RASAL2: variants seen among roughly 807,000 people sequenced by gnomAD.
RASAL2 encodes RAS protein activator like 2, also known as ras GTPase-activating protein nGAP.
RASAL2 carries 58 observed loss-of-function variants against 128.9 expected under a neutral mutation model. The observed-to-expected ratio is 0.45, with a 90% CI of 0.36 to 0.56. The LOEUF (loss-of-function observed/expected upper bound fraction) is 0.56, where lower values mean the gene tolerates loss of function less well. Ranked by LOEUF, RASAL2 falls within the 20% of genes least tolerant of loss-of-function variation. The pLI, the probability that RASAL2 is intolerant of heterozygous loss-of-function variation, is 0.00. For synonymous variants in RASAL2, 561 were observed against 580.8 expected (o/e 0.97, Z 0.49); for missense variants, 1,360 against 1,601.6 (o/e 0.85, Z 2.57).
chr1:178,388,080 A>T (rs558448189), intron 3 of RASAL2, among the ~76,000 whole-genome samples: 23 of 152,316 alleles, frequency 1.5e-4, no homozygotes, highest in African/African-American at 4.1e-4. Context: ...ATTATTCAGA[A>T]ATTAAAACAT....
At chr1:178,227,004 A>G (rs626090) in intron 1 of RASAL2, among the ~76,000 whole-genome samples, 145,280 of 152,218 alleles carry the variant, frequency 0.95, 69,685 homozygotes, top group East Asian at 1. Context: ...AAGCTACATA[A>G]GAATACTCAA....
chr1:178,405,620 C>T (rs1284937226), intron 4 of RASAL2, among the ~76,000 whole-genome samples: 1 of 152,194 alleles, frequency 6.6e-6, no homozygotes, highest in Non-Finnish European at 1.5e-5. Flanking sequence ...CTTGAAAAGG[C>T]ATAAGACAGA....
Position 178,187,967 on chromosome 1 carries a change from T to C in RASAL2, c.202+93273T>C, listed in dbSNP as rs893866803. 3.3e-5 allele frequency among the ~76,000 whole-genome samples: 5 copies of C among 152,202 alleles called. No homozygotes were observed. The East Asian group carries it at 7.7e-4, about 24-fold the overall frequency. On this transcript the variant is annotated intron_variant, in intron 1 of 17. Transcript: ENST00000367649. ...AATTTACTCTTACTATTAATACCAATGTGTAACCCTTTGGAAGATAGCTAT... is the reference window on the plus strand; with the variant it reads ...AATTTACTCTTACTATTAATACCAACGTGTAACCCTTTGGAAGATAGCTAT...
intron 3 of RASAL2, among the ~76,000 whole-genome samples, chr1:178,351,457 A>G (rs1670494484): frequency 6.6e-6 from 1 of 152,188 alleles, no homozygotes; most frequent in African/African-American, 2.4e-5. Context: ...ATACAATGAA[A>G]GTATAGGCAT....
chr1:178,144,281 C>T (rs1660641542), intron 1 of RASAL2, among the ~76,000 whole-genome samples: 1 of 152,114 alleles, frequency 6.6e-6, no homozygotes, highest in Non-Finnish European at 1.5e-5. Flanking sequence ...TTCTTCTACC[C>T]CTTTGGCTAA....
chr1:178,463,285 GA>G (rs573476282), intron 14 of RASAL2, among the ~76,000 whole-genome samples: 2 of 151,992 alleles, frequency 1.3e-5, no homozygotes, highest in African/African-American at 4.8e-5. Context: ...GGACAGAGGG[GA>G]AAAAAATTGT....
chr1:178,401,821 G>A (rs181275638), intron 4 of RASAL2, among the ~76,000 whole-genome samples: 206 of 152,184 alleles, frequency 1.4e-3, no homozygotes, highest in African/African-American at 4.8e-3. Context: ...AAATAAGGTG[G>A]TTACAGTTTA....
intron 1 of RASAL2, among the ~76,000 whole-genome samples, chr1:178,250,080 G>A (rs1008086558): frequency 5.3e-5 from 8 of 152,156 alleles, no homozygotes; most frequent in African/African-American, 1.9e-4. Context: ...AGCAGAGCTT[G>A]AGTATTGTGC....
At chr1:178,380,483 T>G (rs1308445608) in intron 3 of RASAL2, among the ~76,000 whole-genome samples, 1 of 152,106 alleles carries the variant, frequency 6.6e-6, no homozygotes, top group Non-Finnish European at 1.5e-5. Flanking sequence ...TATATGAAAT[T>G]GCTGGTATTT....
chr1:178,382,044 T>C, intron 3 of RASAL2, among the ~76,000 whole-genome samples: 1 of 152,202 alleles, frequency 6.6e-6, no homozygotes, highest in Non-Finnish European at 1.5e-5. Context: ...AATTGTTCTT[T>C]GCAAAACCTA....
At chr1:178,172,267 G>T (rs1244442021) in intron 1 of RASAL2, among the ~76,000 whole-genome samples, 1 of 152,050 alleles carries the variant, frequency 6.6e-6, no homozygotes, top group Admixed American at 6.6e-5. Context: ...AAAGGTTAAT[G>T]TGAGGGGAAT....
chr1:178,178,338 A>G (rs983715228), intron 1 of RASAL2, among the ~76,000 whole-genome samples: 1 of 152,144 alleles, frequency 6.6e-6, no homozygotes, highest in African/African-American at 2.4e-5. Context: ...ACATTCATTT[A>G]TGGGGGCCAA....
chr1:178,283,802 A>G, intron 2 of RASAL2, 111 bp downstream of exon 2: 1 of 1,312,418 alleles, frequency 7.6e-7, no homozygotes. Context: ...TAAAGGCTTG[A>G]TGAAGATATA....
intron 3 of RASAL2, among the ~76,000 whole-genome samples, chr1:178,344,533 C>T (rs1670046888): frequency 1.3e-5 from 2 of 152,166 alleles, no homozygotes; most frequent in East Asian, 1.9e-4. Flanking sequence ...ATTGTGTTTG[C>T]CCTTCTGCTC....
chr1:178,136,081 A>T (rs562813848), intron 1 of RASAL2, among the ~76,000 whole-genome samples: 13 of 152,358 alleles, frequency 8.5e-5, no homozygotes, highest in Non-Finnish European at 1.9e-4. Flanking sequence ...ATCTAGCATG[A>T]TCCCAGTTAG....
chr1:178,465,832 G>A lies in RASAL2; in HGVS notation c.3388-88G>A, dbSNP rs1483164448. On this transcript the variant is annotated intron_variant, in intron 15 of 17. Coordinates refer to ENST00000367649, the MANE Select transcript of RASAL2 (RefSeq NM_170692.4). The stretch of plus-strand genomic sequence containing the variant: ...AAAAGAAAAAAGAAAAAGAAAAAAA[G>A]AAAGAAAGAGAAAGAAAGAAAAGTA... 1.6e-5 allele frequency: 17 copies of A among 1,061,076 alleles called. No individual in the cohort carries two copies. The African/African-American group carries it at 2.8e-4, about 18-fold the overall frequency. 65.7% of individuals were successfully genotyped at this position (1,061,076 alleles called of 1,614,324 possible). A position where few individuals can be genotyped will look rare whatever the true frequency, so the allele number is the denominator to read the frequency against.
At chr1:178,268,784 A>C (rs1303364936) in intron 1 of RASAL2, among the ~76,000 whole-genome samples, 2 of 152,178 alleles carry the variant, frequency 1.3e-5, no homozygotes, top group Non-Finnish European at 1.5e-5. Flanking sequence ...TAAAGATGGC[A>C]CATAGGCAGA....
At chr1:178,107,442 A>T (rs1319940925) in intron 1 of RASAL2, among the ~76,000 whole-genome samples, 1 of 152,056 alleles carries the variant, frequency 6.6e-6, no homozygotes, top group Non-Finnish European at 1.5e-5. Flanking sequence ...AGTAACCAAT[A>T]AATTATTTTG....
In RASAL2 at chr1:178,321,945, G is replaced by A. The variant is rs189614607; in HGVS notation, c.457+21827G>A. ...GGAGGTTTTGGTGAGCCGAGATCGCGCCATTGCACTCCAGCCTGGGCAACA... is the reference window on the plus strand; with the variant it reads ...GGAGGTTTTGGTGAGCCGAGATCGCACCATTGCACTCCAGCCTGGGCAACA... On this transcript the variant is annotated intron_variant, in intron 3 of 17. Transcript: ENST00000367649. Among the ~76,000 whole-genome samples, 916 of 150,956 alleles carry A rather than the reference G, an allele frequency of 6.1e-3. 7 individuals carry two copies. Among genetic ancestry groups the A allele is most frequent in the African/African-American group, 0.021 (872 of 40,950 alleles).
Sources: allele counts gnomAD v4.1 joint callset (sites outside exome capture counted in the v4.1 genomes callset), GRCh38; gene constraint gnomAD v4.1.1; transcripts MANE v1.5; gene names NCBI Gene and HGNC (gene_info 2026-07-23, HGNC 2026-07-21).